The following CEP83 variants were observed in gnomAD, a reference collection of about 807,000 sequenced individuals.
The protein encoded by CEP83 is centrosomal protein of 83 kDa.
In CEP83, 70 loss-of-function variants were observed where a neutral mutation model predicts 101.9. The ratio of observed to expected loss-of-function variants is 0.69; its 90% CI spans 0.57 to 0.84. The LOEUF is 0.84. CEP83 is among the 40% of genes least tolerant of loss of function. CEP83 has a pLI of 0.00. For synonymous variants in CEP83, 264 were observed against 267.9 expected (o/e 0.99, Z 0.14); for missense variants, 715 against 787.2 (o/e 0.91, Z 1.10).
chr12:94,369,884 AAGCAGC>A (rs748788301), intron 9 of CEP83, 32 bp downstream of exon 9: 90 of 1,029,064 alleles, frequency 8.7e-5, no homozygotes, highest in Admixed American at 6.1e-5. Context: ...ATCTGAAAAT[AAGCAGC>A]AGCAGCAGCA....
At chr12:94,381,936 A>G (rs969678306) in intron 6 of CEP83, among the ~76,000 whole-genome samples, 6 of 152,078 alleles carry the variant, frequency 3.9e-5, no homozygotes, top group Admixed American at 3.9e-4. Flanking sequence ...TGGGGAAGAC[A>G]TTATGTAGAA....
At chr12:94,446,991 C>T (rs963150056) in intron 1 of CEP83, among the ~76,000 whole-genome samples, 4 of 152,028 alleles carry the variant, frequency 2.6e-5, no homozygotes, top group Non-Finnish European at 4.4e-5. Context: ...ATATTATTAA[C>T]GTTGATTTCT....
chr12:94,295,266 G>A, the CEP83 span, among the ~76,000 whole-genome samples: 1 of 152,210 alleles, frequency 6.6e-6, no homozygotes, highest in South Asian at 2.1e-4. Context: ...TCTGGCCAGT[G>A]CAAACAGGGA....
intron 6 of CEP83, among the ~76,000 whole-genome samples, chr12:94,397,022 T>C (rs2062943426): frequency 6.6e-6 from 1 of 152,204 alleles, no homozygotes; most frequent in Admixed American, 6.5e-5. Flanking sequence ...AAATGAAGTA[T>C]GAAGGTGATT....
intron 14 of CEP83, among the ~76,000 whole-genome samples, chr12:94,327,910 G>C (rs1010483551): frequency 6.6e-6 from 1 of 152,176 alleles, no homozygotes; most frequent in Non-Finnish European, 1.5e-5. Flanking sequence ...GGAGTGACTA[G>C]TGGGATTATT....
At chr12:94,405,686 G>T (rs2063495011) in intron 4 of CEP83, among the ~76,000 whole-genome samples, 1 of 152,058 alleles carries the variant, frequency 6.6e-6, no homozygotes, top group Admixed American at 6.5e-5. Flanking sequence ...AAAGCAAAAG[G>T]CAGATCCCTG....
At chr12:94,442,697 T>C (rs2066500866) in intron 1 of CEP83, among the ~76,000 whole-genome samples, 1 of 152,142 alleles carries the variant, frequency 6.6e-6, no homozygotes, top group Non-Finnish European at 1.5e-5. Context: ...TGAGGAAAAG[T>C]TATCACATTT....
At chr12:94,358,550 C>G (rs1489731238) in intron 11 of CEP83, among the ~76,000 whole-genome samples, 1 of 152,138 alleles carries the variant, frequency 6.6e-6, no homozygotes, top group Non-Finnish European at 1.5e-5. Context: ...AAATTAGTTG[C>G]TGAACAATTA....
intron 2 of CEP83, among the ~76,000 whole-genome samples, chr12:94,428,900 A>G (rs2065406745): frequency 6.6e-6 from 1 of 152,220 alleles, no homozygotes; most frequent in South Asian, 2.1e-4. Flanking sequence ...AGTACCTTTA[A>G]TATGCTAGAC....
intron 14 of CEP83, among the ~76,000 whole-genome samples, chr12:94,321,461 T>C (rs892784175): frequency 2.6e-5 from 4 of 152,192 alleles, no homozygotes; most frequent in African/African-American, 9.7e-5. Context: ...AGTTCTTCCG[T>C]TGATTCCTTC....
the CEP83 span, chr12:94,280,091 C>G: frequency 3.1e-6 from 1 of 327,710 alleles, no homozygotes. Context: ...CTCTAGCCTG[C>G]TAGAAAGGTC....
chr12:94,325,886 G>T (rs1221705246), intron 14 of CEP83, among the ~76,000 whole-genome samples: 1 of 152,196 alleles, frequency 6.6e-6, no homozygotes, highest in African/African-American at 2.4e-5. Context: ...TTTGTACCCA[G>T]ATCCTGGTAC....
chr12:94,402,760 A>T (rs2063328605), intron 5 of CEP83: 1 of 153,208 alleles, frequency 6.5e-6, no homozygotes, highest in African/African-American at 2.4e-5. Flanking sequence ...TTAGCCAGGT[A>T]CGGTGGTGCG....
intron 1 of CEP83, among the ~76,000 whole-genome samples, chr12:94,454,229 A>G (rs1212412444): frequency 6.6e-6 from 1 of 152,188 alleles, no homozygotes; most frequent in African/African-American, 2.4e-5. Context: ...CTGGCTGGCT[A>G]TATCAGTTGT....
At chr12:94,431,292 T>C (rs992290443) in intron 2 of CEP83, among the ~76,000 whole-genome samples, 3 of 151,910 alleles carry the variant, frequency 2.0e-5, no homozygotes, top group Non-Finnish European at 2.9e-5. Flanking sequence ...AAAAATCAAC[T>C]CAAGATGGAT....
chr12:94,331,512 G>A (rs1008264161), intron 14 of CEP83, among the ~76,000 whole-genome samples, 188 bp downstream of exon 14: 9 of 151,070 alleles, frequency 6.0e-5, no homozygotes, highest in African/African-American at 1.7e-4. Context: ...GGCTACAGGC[G>A]CCCGCCACTA....
chr12:94,277,572 G>A, the CEP83 span, among the ~76,000 whole-genome samples: 1 of 152,250 alleles, frequency 6.6e-6, no homozygotes, highest in East Asian at 1.9e-4. Context: ...TTAGGGATGG[G>A]TTCAGAGGTC....
chr12:94,428,107 T>C (rs2065345394), intron 2 of CEP83, among the ~76,000 whole-genome samples: 1 of 152,226 alleles, frequency 6.6e-6, no homozygotes, highest in Non-Finnish European at 1.5e-5. Flanking sequence ...ATTTTTACGA[T>C]TGTACTGTCT....
intron 11 of CEP83, among the ~76,000 whole-genome samples, chr12:94,349,285 C>CAAAA (rs567484415): frequency 1.8e-4 from 13 of 73,482 alleles, no homozygotes; most frequent in Admixed American, 5.9e-4. Flanking sequence ...GACTCTGTCT[C>CAAAA]AAAAAAAAAA....
Sources: gnomAD v4.1 joint callset for allele counts (sites outside exome capture counted in the v4.1 genomes callset) on GRCh38, gnomAD v4.1.1 for gene constraint, MANE v1.5 for transcripts, NCBI Gene and HGNC (gene_info 2026-07-23, HGNC 2026-07-21) for gene names.